The following HCN1 variants were observed in gnomAD, a reference collection of about 807,000 sequenced individuals.
The protein encoded by HCN1 is potassium/sodium hyperpolarization-activated cyclic nucleotide-gated channel 1.
HCN1 carries 13 observed loss-of-function variants against 78.9 expected under a neutral mutation model. That is an observed-to-expected ratio of 0.16 (90% CI 0.11 to 0.26). HCN1 has a LOEUF of 0.26. Ranked by LOEUF, HCN1 falls within the 10% of genes least tolerant of loss-of-function variation. HCN1 has a pLI of 1.00. For synonymous variants in HCN1, 552 were observed against 455.5 expected, an observed-to-expected ratio of 1.21 and a Z score of -2.70; for missense variants, 810 against 1,154.3, an observed-to-expected ratio of 0.70 and a Z score of 4.32.
chr5:45,456,836 C>T (rs1011523697), intron 3 of HCN1, among the ~76,000 whole-genome samples: 7 of 151,910 alleles, frequency 4.6e-5, no homozygotes, highest in Admixed American at 1.3e-4. Flanking sequence ...ATTTTGACTA[C>T]GGTGAAACGT....
chr5:45,298,056 G>A (rs1187693585), intron 6 of HCN1, among the ~76,000 whole-genome samples: 1 of 151,962 alleles, frequency 6.6e-6, no homozygotes, highest in Admixed American at 6.6e-5. Context: ...ATCAAGATTA[G>A]GGGAAAGATG....
chr5:45,529,450 G>T (rs1221403325), intron 2 of HCN1, among the ~76,000 whole-genome samples: 1 of 151,904 alleles, frequency 6.6e-6, no homozygotes, highest in Non-Finnish European at 1.5e-5. Context: ...GATTCTGTCT[G>T]ATGTATTTTA....
At chr5:45,389,645 C>T (rs138068657) in intron 4 of HCN1, among the ~76,000 whole-genome samples, 46 of 152,196 alleles carry the variant, frequency 3.0e-4, no homozygotes, top group Admixed American at 9.8e-4. Context: ...TCAAATAACA[C>T]GACAACTTAT....
chr5:45,350,949 C>G (rs911966190), intron 5 of HCN1, among the ~76,000 whole-genome samples: 1 of 152,068 alleles, frequency 6.6e-6, no homozygotes, highest in African/African-American at 2.4e-5. Flanking sequence ...GGCCATACTG[C>G]CCAAGGTAAT....
chr5:45,693,640 G>A (rs1429757333), intron 1 of HCN1, among the ~76,000 whole-genome samples: 1 of 151,990 alleles, frequency 6.6e-6, no homozygotes, highest in Non-Finnish European at 1.5e-5. Context: ...AGATTTCCTT[G>A]GGAAAATAAG....
chr5:45,467,052 T>C (rs539468523), intron 2 of HCN1, among the ~76,000 whole-genome samples: 7 of 152,288 alleles, frequency 4.6e-5, no homozygotes, highest in Non-Finnish European at 8.8e-5. Context: ...ACTCATGCTC[T>C]TGAGTGCTTT....
intron 3 of HCN1, among the ~76,000 whole-genome samples, chr5:45,411,899 A>C (rs1308820180): frequency 1.3e-5 from 2 of 152,118 alleles, no homozygotes; most frequent in Admixed American, 1.3e-4. Context: ...CACACCACTT[A>C]GTGCAATTCC....
chr5:45,690,482 AG>A (rs1224888953), intron 1 of HCN1, among the ~76,000 whole-genome samples: 2 of 152,154 alleles, frequency 1.3e-5, no homozygotes, highest in East Asian at 1.9e-4. Flanking sequence ...TCCCTTGAAT[AG>A]TTTCTGTAGC....
chr5:45,524,642 G>T (rs1160359520), intron 2 of HCN1, among the ~76,000 whole-genome samples: 1 of 152,074 alleles, frequency 6.6e-6, no homozygotes, highest in African/African-American at 2.4e-5. Flanking sequence ...GTTCACTCAT[G>T]ATTTGGCTCT....
intron 6 of HCN1, among the ~76,000 whole-genome samples, chr5:45,280,799 T>C (rs1307848463): frequency 6.6e-6 from 1 of 152,198 alleles, no homozygotes; most frequent in Non-Finnish European, 1.5e-5. Flanking sequence ...AATTATGCAA[T>C]CTTTTTTGGA....
intron 1 of HCN1, among the ~76,000 whole-genome samples, chr5:45,693,835 T>C (rs1385665465): frequency 1.3e-5 from 2 of 151,718 alleles, no homozygotes; most frequent in Non-Finnish European, 2.9e-5. Context: ...GTAATCATTT[T>C]ATTGAGTGAA....
chr5:45,680,092 A>C (rs1408252358), intron 1 of HCN1, among the ~76,000 whole-genome samples: 1 of 152,164 alleles, frequency 6.6e-6, no homozygotes, highest in Non-Finnish European at 1.5e-5. Flanking sequence ...TTGTTGATAC[A>C]GAAGGAATAT....
intron 6 of HCN1, 25 bp downstream of exon 6, chr5:45,303,574 T>A (rs574630771): frequency 4.3e-6 from 7 of 1,611,884 alleles, no homozygotes; most frequent in Non-Finnish European, 5.9e-6. Flanking sequence ...TTAGATTTCA[T>A]CTTAGTTGCA....
rs549561586 is a variant in HCN1 at position 45,408,764 on chromosome 5, C to T, written c.1012-12054G>A. On this transcript the variant is annotated intron_variant, in intron 3 of 7. Coordinates refer to ENST00000303230, the MANE Select transcript of HCN1 (RefSeq NM_021072.4). ...TATGGCATTCTTGAAGTGTTTAATG[C>T]TGCTATTTTGAGGTTTGAGCACACT... 1.2e-4 allele frequency among the ~76,000 whole-genome samples: 19 copies of T among 152,202 alleles called. No homozygotes were observed. The South Asian group carries it at 3.1e-3, about 25-fold the overall frequency.
At chr5:45,284,023 T>C (rs991813677) in intron 6 of HCN1, among the ~76,000 whole-genome samples, 3 of 152,098 alleles carry the variant, frequency 2.0e-5, no homozygotes, top group Admixed American at 2.0e-4. Context: ...CCATTTCCCT[T>C]AGCAAACTAA....
intron 7 of HCN1, 140 bp from the exon 8 acceptor site, chr5:45,262,950 A>G (rs1744779676): frequency 4.9e-6 from 4 of 810,082 alleles, no homozygotes; most frequent in Admixed American, 2.2e-5. Flanking sequence ...ACCTTTACAC[A>G]CCAAATACCA....
chr5:45,664,143 T>C (rs1745983142), intron 1 of HCN1, among the ~76,000 whole-genome samples: 2 of 61,826 alleles, frequency 3.2e-5, no homozygotes, highest in African/African-American at 1.3e-4. Context: ...AAATGATGAG[T>C]TCATGTCCTT....
chr5:45,344,898 C>A (rs896629320), intron 5 of HCN1, among the ~76,000 whole-genome samples: 1 of 152,200 alleles, frequency 6.6e-6, no homozygotes, highest in East Asian at 1.9e-4. Flanking sequence ...CACAGCTCCA[C>A]TAGGCAGTGA....
At chr5:45,447,515 T>G (rs1437651343) in intron 3 of HCN1, among the ~76,000 whole-genome samples, 1 of 152,204 alleles carries the variant, frequency 6.6e-6, no homozygotes, top group Non-Finnish European at 1.5e-5. Context: ...AGTGCTGCGA[T>G]TACAGGCATG....
Sources: allele counts gnomAD v4.1 joint callset (sites outside exome capture counted in the v4.1 genomes callset), GRCh38; gene constraint gnomAD v4.1.1; transcripts MANE v1.5; gene names NCBI Gene and HGNC (gene_info 2026-07-23, HGNC 2026-07-21).